MGAM2: variants seen among roughly 807,000 people sequenced by gnomAD.
MGAM2 encodes the protein probable maltase-glucoamylase 2.
MGAM2 carries 98 observed loss-of-function variants against 96.1 expected under a neutral mutation model. That is an observed-to-expected ratio of 1.02 (90% CI 0.87 to 1.21). MGAM2 has a LOEUF of 1.21. Among genes scored for constraint, MGAM2 ranks in the 50% most tolerant of loss-of-function variants. MGAM2 has a pLI of 0.00. For synonymous variants in MGAM2, 749 were observed against 414.8 expected (o/e 1.81, Z -9.79); for missense variants, 2,055 against 1,182.4 (o/e 1.74, Z -10.82).
chr7:142,174,715 C>CTCTTTTTTTTTTTT (rs1194981898), intron 31 of MGAM2, among the ~76,000 whole-genome samples: 4 of 85,444 alleles, frequency 4.7e-5, no homozygotes, highest in Admixed American at 1.4e-4. Flanking sequence ...CTCTCTCTCT[C>CTCTTTTTTTTTTTT]TTTTTTTTTT....
At chr7:142,208,140 A>C in intron 45 of MGAM2, 2 of 458,598 alleles carry the variant, frequency 4.4e-6, no homozygotes, top group Non-Finnish European at 8.8e-6. Context: ...TATTAAGTAC[A>C]AGAGTTGGGA....
chr7:142,173,984 G>A (rs961938380), intron 31 of MGAM2, among the ~76,000 whole-genome samples: 1 of 152,120 alleles, frequency 6.6e-6, no homozygotes, highest in African/African-American at 2.4e-5. Context: ...AGATCAGATA[G>A]TTGTAGGTGT....
intron 45 of MGAM2, among the ~76,000 whole-genome samples, chr7:142,205,776 CT>C (rs1177224053): frequency 6.6e-6 from 1 of 152,056 alleles, no homozygotes; most frequent in Non-Finnish European, 1.5e-5. Flanking sequence ...GAGGCACAAA[CT>C]TTTAAATTTT....
chr7:142,166,856 CT>C (rs1796042923), intron 25 of MGAM2, among the ~76,000 whole-genome samples: 1 of 152,166 alleles, frequency 6.6e-6, no homozygotes, highest in African/African-American at 2.4e-5. Context: ...CTTCAAAATT[CT>C]GGAGTCTAGA....
At chr7:142,160,861 T>A (rs1321352203) in intron 21 of MGAM2, among the ~76,000 whole-genome samples, 1 of 150,978 alleles carries the variant, frequency 6.6e-6, no homozygotes, top group Non-Finnish European at 1.5e-5. Context: ...AAACACCTAA[T>A]GAGGCTAATT....
chr7:142,133,237 T>A (rs971186600), intron 6 of MGAM2, among the ~76,000 whole-genome samples: 2 of 143,296 alleles, frequency 1.4e-5, no homozygotes, highest in Non-Finnish European at 3.0e-5. Context: ...ATAAGATAAT[T>A]TTTTAATATA....
At chr7:142,212,643 A>G (rs2129105947) in intron 46 of MGAM2, among the ~76,000 whole-genome samples, 1 of 152,218 alleles carries the variant, frequency 6.6e-6, no homozygotes, top group East Asian at 1.9e-4. Context: ...TAACTACCAT[A>G]AATATATATG....
chr7:142,184,297 T>C (rs1796631157), intron 33 of MGAM2, among the ~76,000 whole-genome samples: 2 of 152,088 alleles, frequency 1.3e-5, no homozygotes, highest in African/African-American at 4.8e-5. Context: ...AATATTACCT[T>C]CTCAACTTAC....
rs1185421667 is a variant in MGAM2 at position 142,196,190 on chromosome 7, C to T, written c.4383C>T (p.Ile1461=). ...VQEVTGQRGV[I]ITRSTFPSSG... ...AGGTGACAGGACAGCGAGGGGTCAT[C>T]ATCACCCGCTCCACATTTCCCTCTT... is the stretch of plus-strand genomic sequence containing the variant. The change falls in exon 38 of 48, where the codon ATC becomes ATT. Residue 1461 remains isoleucine (I), a synonymous_variant. Transcript: ENST00000477922. 1 of 1,200,330 alleles carries T rather than the reference C, an allele frequency of 8.3e-7. No homozygotes were observed. Among genetic ancestry groups the T allele is most frequent in the African/African-American group, 1.5e-5 (1 of 66,522 alleles). The allele number at this position is 1,200,330 out of a possible 1,614,324, so 74.4% of individuals were successfully genotyped here. A position where few individuals can be genotyped will look rare whatever the true frequency, so the allele number is the denominator to read the frequency against.
At chr7:142,211,680 T>C (rs1056339580) in intron 46 of MGAM2, among the ~76,000 whole-genome samples, 2 of 151,952 alleles carry the variant, frequency 1.3e-5, no homozygotes, top group Non-Finnish European at 2.9e-5. Context: ...CTCCAAGAAA[T>C]ATGGGACTAT....
At chr7:142,115,418 T>C (rs1817355114) in intron 1 of MGAM2, among the ~76,000 whole-genome samples, 1 of 152,160 alleles carries the variant, frequency 6.6e-6, no homozygotes, top group Non-Finnish European at 1.5e-5. Context: ...GCGAGGAAGA[T>C]GAGAGCAATG....
intron 46 of MGAM2, among the ~76,000 whole-genome samples, chr7:142,212,811 A>G (rs912471640): frequency 3.3e-5 from 5 of 152,172 alleles, no homozygotes; most frequent in Admixed American, 2.6e-4. Flanking sequence ...TCAGAACTTG[A>G]ACTCAGCTCT....
chr7:142,206,169 G>A (rs895069237), intron 45 of MGAM2, among the ~76,000 whole-genome samples: 5 of 152,120 alleles, frequency 3.3e-5, no homozygotes. Flanking sequence ...TGTCAGCACT[G>A]CACTGTCTTG....
At chr7:142,142,733 A>G (rs1795270612) in intron 12 of MGAM2, among the ~76,000 whole-genome samples, 1 of 151,928 alleles carries the variant, frequency 6.6e-6, no homozygotes, top group Non-Finnish European at 1.5e-5. Context: ...TATTTTTAGT[A>G]GAGACGGAAT....
intron 46 of MGAM2, among the ~76,000 whole-genome samples, chr7:142,210,306 T>G (rs1005882366): frequency 4.6e-5 from 7 of 152,048 alleles, no homozygotes; most frequent in African/African-American, 1.7e-4. Flanking sequence ...GGAGTTTTTT[T>G]TTTTTCATAC....
At chr7:142,139,144 C>T (rs576586776) in intron 10 of MGAM2, among the ~76,000 whole-genome samples, 15 of 152,244 alleles carry the variant, frequency 9.9e-5, no homozygotes, top group South Asian at 6.2e-4. Flanking sequence ...GAGTTTCTCA[C>T]GGTGACCTCA....
Position 142,220,122 on chromosome 7 carries a change from G to A in MGAM2, c.5611G>A (p.Val1871Ile), listed in dbSNP as rs1797873993. The change falls in exon 48 of 48, where the codon GTT becomes ATT. Residue 1871 changes from valine (V) to isoleucine (I), a missense_variant. By Grantham distance (29) the Val-to-Ile change is conservative. Coordinates refer to ENST00000477922, the MANE Select transcript of MGAM2 (RefSeq NM_001293626.2). ...CACATCTTTCCCAAGTACTACTAGT[G>A]TTACAACTAATACTACTGTTCCTGA... ...TTTSFPSTTS[V>I]TTNTTVPDTT... 1.4e-6 allele frequency: 1 copy of A among 702,652 alleles called. No individual in the cohort carries two copies. The highest frequency in any genetic ancestry group is 1.5e-5 in the South Asian group (1 of 67,592). 43.5% of individuals were successfully genotyped at this position (702,652 alleles called of 1,614,324 possible).
chr7:142,153,116 C>T (rs1465474441), intron 15 of MGAM2, among the ~76,000 whole-genome samples: 1 of 150,974 alleles, frequency 6.6e-6, no homozygotes, highest in Non-Finnish European at 1.5e-5. Context: ...CTGCCTCAGT[C>T]TTCTGAGTAT....
chr7:142,212,058 T>C (rs1797602823), intron 46 of MGAM2, among the ~76,000 whole-genome samples: 1 of 152,138 alleles, frequency 6.6e-6, no homozygotes, highest in African/African-American at 2.4e-5. Flanking sequence ...AAGAAAAGAA[T>C]TTTCAACCCA....
Sources: allele counts gnomAD v4.1 joint callset (sites outside exome capture counted in the v4.1 genomes callset), GRCh38; gene constraint gnomAD v4.1.1; transcripts MANE v1.5; gene names NCBI Gene and HGNC (gene_info 2026-07-23, HGNC 2026-07-21).